MAB21L4: variants seen among roughly 807,000 people sequenced by gnomAD.
MAB21L4 encodes the protein protein mab-21-like 4.
In MAB21L4, 25 loss-of-function variants were observed where a neutral mutation model predicts 32.4. The observed-to-expected ratio is 0.77, with a 90% confidence interval of 0.56 to 1.08. MAB21L4 has a LOEUF of 1.08. Among genes scored for constraint, MAB21L4 ranks in the 50% least tolerant of loss-of-function variants. The pLI, the probability that MAB21L4 is intolerant of heterozygous loss-of-function variation, is 0.00. For synonymous variants in MAB21L4, 280 were observed against 276.8 expected (o/e 1.01, Z -0.11); for missense variants, 638 against 611.0 (o/e 1.04, Z -0.47).
chr2:240,891,846 T>A (rs2059153285), intron 1 of MAB21L4, 83 bp from the exon 2 acceptor site: 1 of 1,591,472 alleles, frequency 6.3e-7, no homozygotes, highest in Admixed American at 1.7e-5. Flanking sequence ...GCTGCCAACT[T>A]GGCCCCTGCC....
Position 240,896,106 on chromosome 2 carries a change from C to G in MAB21L4, c.-109G>C. On this transcript the variant is annotated 5_prime_UTR_variant, in exon 1 of 5. Coordinates refer to ENST00000388934, the MANE Select transcript of MAB21L4 (RefSeq NM_001085437.3). ...CCTGCCCAGGTGAGCAGCAGGTCTGCAGGTGGGGCCTCAGCTCCCACACAG... is the reference window on the plus strand; with the variant it reads ...CCTGCCCAGGTGAGCAGCAGGTCTGGAGGTGGGGCCTCAGCTCCCACACAG... 7.3e-7 allele frequency: 1 copy of G among 1,366,996 alleles called. No individual in the cohort carries two copies. The highest frequency in any genetic ancestry group is 9.4e-7 in the Non-Finnish European group (1 of 1,067,254). 84.7% of individuals were successfully genotyped at this position (1,366,996 alleles called of 1,614,324 possible). A position where few individuals can be genotyped will look rare whatever the true frequency, so the allele number is the denominator to read the frequency against.
chr2:240,896,685 T>C (rs2059189250), upstream of MAB21L4: 1 of 152,618 alleles, frequency 6.6e-6, no homozygotes, highest in African/African-American at 2.4e-5. Context: ...AGTCCTGGCA[T>C]GGCTCCTGCC....
Position 240,891,565 on chromosome 2 carries a change from A to G in MAB21L4, c.713T>C (p.Leu238Pro), listed in dbSNP as rs753071619. The change falls in exon 2 of 5, where the codon CTG (leucine) becomes CCG (proline). Residue 238 changes from leucine (L) to proline (P), a missense_variant. Transcript: ENST00000388934. ...CCAGAGCTGGGCGCTGGCCGGCACC[A>G]GGTCCACCCCTTGGCTGAGGATCCT... is the stretch of plus-strand genomic sequence containing the variant. ...LRRILSQGVD[L>P]VPASAQLWRT... is the part of the protein sequence containing the mutation. The G allele has an allele frequency of 6.2e-6, 10 of 1,610,524 alleles. No individual in the cohort carries two copies. The highest frequency in any genetic ancestry group is 5.0e-5 in the Admixed American group (3 of 59,936).
upstream of MAB21L4, chr2:240,896,193 G>T: frequency 1.6e-6 from 2 of 1,276,784 alleles, no homozygotes; most frequent in Non-Finnish European, 2.0e-6. Flanking sequence ...TAAGGCCTTT[G>T]AAGTGGGGGT....
chr2:240,891,858 C>T, intron 1 of MAB21L4, 95 bp from the exon 2 acceptor site: 1 of 1,582,658 alleles, frequency 6.3e-7, no homozygotes, highest in African/African-American at 1.3e-5. Flanking sequence ...GCCCCTGCCC[C>T]TCATCACCTC....
intron 1 of MAB21L4, among the ~76,000 whole-genome samples, chr2:240,892,663 G>A (rs889982125): frequency 5.9e-5 from 9 of 152,178 alleles, no homozygotes; most frequent in South Asian, 2.1e-4. Context: ...TCACAGTGAC[G>A]GAGCTCAGCC....
intron 1 of MAB21L4, 125 bp downstream of exon 1, chr2:240,895,359 T>C (rs1448194173): frequency 5.4e-6 from 5 of 933,254 alleles, no homozygotes; most frequent in East Asian, 5.3e-5. Flanking sequence ...CAGAAGACAG[T>C]CGCCACCCTG....
chr2:240,887,284 C>A (rs2059103873), intron 4 of MAB21L4, 122 bp from the exon 5 acceptor site: 3 of 757,572 alleles, frequency 4.0e-6, no homozygotes, highest in Admixed American at 2.3e-5. Flanking sequence ...GGCCTTCCTG[C>A]CCCGGGTATC....
At chr2:240,888,008 G>T (rs6744422) in intron 4 of MAB21L4, among the ~76,000 whole-genome samples, 57,028 of 152,108 alleles carry the variant, frequency 0.37, 10,926 homozygotes, top group Non-Finnish European at 0.4. Flanking sequence ...AGTGTGAGCT[G>T]GGGGGCAATT....
Position 240,891,614 on chromosome 2 carries a change from C to T in MAB21L4, c.664G>A (p.Gly222Arg), listed in dbSNP as rs199996891. The change falls in exon 2 of 5, where the codon GGA (glycine) becomes AGA (arginine). Residue 222 changes from glycine to arginine, a missense_variant. Coordinates refer to ENST00000388934, the MANE Select transcript of MAB21L4 (RefSeq NM_001085437.3). ...CTTCTCAAGCTGCCCTCAGGGAATC[C>T]GGGCATCTGCTGCACCCCCTCCAGG... ...PALEGVQQMP[G>R]FPEGSLRRIL... is the part of the protein sequence containing the mutation. The T allele has an allele frequency of 5.4e-5, 87 of 1,609,612 alleles. 1 individual carries two copies. Among genetic ancestry groups the T allele is most frequent in the Middle Eastern group, 1.6e-4 (1 of 6,080 alleles).
Position 240,895,690 on chromosome 2 carries a change from TC to T in MAB21L4, c.307del (p.Glu103ArgfsTer55). The T allele has an allele frequency of 5.0e-6, 8 of 1,612,900 alleles. No homozygotes were observed. Among genetic ancestry groups the T allele is most frequent in the Non-Finnish European group, 6.8e-6 (8 of 1,180,004 alleles). On this transcript the variant is annotated frameshift_variant, in exon 1 of 5. Transcript: ENST00000388934. LOFTEE classifies it high-confidence loss of function. ...LIEEPEATQP[E>X]DGLELCHLGV... ...CAGGTGGCATAATTCAAGGCCATCCTCCGGCTGGGTGGCCTCTGGTTCCTCA... is the reference window on the plus strand; with the variant it reads ...CAGGTGGCATAATTCAAGGCCATCCTCGGCTGGGTGGCCTCTGGTTCCTCA...
intron 1 of MAB21L4, 152 bp downstream of exon 1, chr2:240,895,332 G>T (rs1294988095): frequency 9.9e-6 from 7 of 706,252 alleles, no homozygotes; most frequent in Non-Finnish European, 1.6e-5. Flanking sequence ...ACACATGCCT[G>T]TGCGTGCAGT....
rs755021316 is a variant in MAB21L4, at chr2:240,888,568, C to T, written c.975G>A (p.Leu325=). The T allele has an allele frequency of 1.2e-6, 2 of 1,608,392 alleles. No homozygotes were observed. The highest frequency in any genetic ancestry group is 2.7e-5 in the African/African-American group (2 of 74,776). ...TGGCCAGGCAACAGAGCAGCACCAC[C>T]AGCAGGCGGTACACGGCGCCCTGCA... is the stretch of plus-strand genomic sequence containing the variant. ...AELQGAVYRL[L]VVLLCCLATR... The change falls in exon 4 of 5, where the codon CTG becomes CTA. Residue 325 remains leucine, a synonymous_variant. Coordinates refer to ENST00000388934, the MANE Select transcript of MAB21L4 (RefSeq NM_001085437.3).
intron 1 of MAB21L4, among the ~76,000 whole-genome samples, chr2:240,892,809 G>A (rs2059160929): frequency 1.3e-5 from 2 of 151,642 alleles, no homozygotes. Context: ...ACCCCACCCG[G>A]GACCCAGCCC....
At chr2:240,889,907 A>G in intron 3 of MAB21L4, 98 bp downstream of exon 3, 1 of 1,383,146 alleles carries the variant, frequency 7.2e-7, no homozygotes, top group Non-Finnish European at 9.8e-7. Context: ...GACTCATAGC[A>G]GCTGCCTGCC....
chr2:240,893,360 C>T (rs113359107), intron 1 of MAB21L4, among the ~76,000 whole-genome samples: 27 of 152,214 alleles, frequency 1.8e-4, no homozygotes, highest in Admixed American at 9.8e-4. Context: ...CCTGGGCGGC[C>T]CATCCCACAG....
intron 2 of MAB21L4, 55 bp downstream of exon 2, chr2:240,891,483 G>A (rs1159122139): frequency 1.7e-5 from 25 of 1,477,876 alleles, no homozygotes; most frequent in Non-Finnish European, 2.3e-5. Flanking sequence ...CATGGGGGCA[G>A]TGGCCCCTTC....
At chr2:240,896,247 G>A, upstream of MAB21L4, 1 of 1,046,282 alleles carries the variant, frequency 9.6e-7, no homozygotes, top group South Asian at 4.7e-5. Flanking sequence ...GGCCATGCAG[G>A]GCAGGCGGGG....
At chr2:240,896,253 C>A, upstream of MAB21L4, 2 of 1,032,070 alleles carry the variant, frequency 1.9e-6, no homozygotes. Context: ...GCAGGGCAGG[C>A]GGGGGCTGGG....
Sources: allele counts gnomAD v4.1 joint callset (sites outside exome capture counted in the v4.1 genomes callset), GRCh38; gene constraint gnomAD v4.1.1; transcripts MANE v1.5; gene names NCBI Gene and HGNC (gene_info 2026-07-23, HGNC 2026-07-21).